The following PKHD1 variants were observed in gnomAD, a reference collection of about 807,000 sequenced individuals.
PKHD1 encodes fibrocystin.
PKHD1 carries 291 observed loss-of-function variants against 412.0 expected under a neutral mutation model. The observed-to-expected ratio is 0.71, with a 90% CI of 0.64 to 0.78. The LOEUF is 0.78. Ranked by LOEUF, PKHD1 falls within the 30% of genes least tolerant of loss-of-function variation. PKHD1 has a pLI of 0.00. For missense variants in PKHD1, 4,825 were observed against 4,950.7 expected (o/e 0.97, Z 0.76); for synonymous variants, 1,777 against 1,821.5 (o/e 0.98, Z 0.62).
intron 37 of PKHD1, among the ~76,000 whole-genome samples, chr6:51,928,811 G>C (rs143753118): frequency 0.011 from 1,656 of 152,234 alleles, 13 homozygotes; most frequent in Middle Eastern, 0.027. Context: ...GGACTGAGGG[G>C]TGAGTCCTGT....
At chr6:51,755,054 G>A (rs1786735439) in intron 55 of PKHD1, 116 bp from the exon 56 acceptor site, 19 of 896,760 alleles carry the variant, frequency 2.1e-5, no homozygotes, top group South Asian at 2.0e-4. Context: ...CAGAGAAACT[G>A]AAATAGAAAT....
rs150637568 is a variant in PKHD1 at position 51,681,369 on chromosome 6, A to G, written c.10157-21400T>C. On this transcript the variant is annotated intron_variant, in intron 60 of 66. Coordinates refer to ENST00000371117, the MANE Select transcript of PKHD1 (RefSeq NM_138694.4). The stretch of plus-strand genomic sequence containing the variant: ...CCCTGAATAAACACAGGCCTTAGCA[A>G]TGTCATGTTTGGTTGACCAACCACT... Among the ~76,000 whole-genome samples the G allele has an allele frequency of 7.0e-4, 106 of 152,158 alleles. 1 individual carries two copies. Among genetic ancestry groups the G allele is most frequent in the African/African-American group, 2.5e-3 (104 of 41,550 alleles).
chr6:52,068,689 G>A lies in PKHD1; in HGVS notation c.778+768C>T, dbSNP rs112209243. On this transcript the variant is annotated intron_variant, in intron 11 of 66. Coordinates refer to ENST00000371117, the MANE Select transcript of PKHD1 (RefSeq NM_138694.4). ...TGACATTCTTTCTATAGCAGCTATCGTTATCACCATCACCTTGGGCGCTTC... is the reference window on the plus strand; with the variant it reads ...TGACATTCTTTCTATAGCAGCTATCATTATCACCATCACCTTGGGCGCTTC... Among the ~76,000 whole-genome samples, 494 of 152,292 alleles carry A rather than the reference G, an allele frequency of 3.2e-3. 3 individuals are homozygous for A. Among genetic ancestry groups the A allele is most frequent in the African/African-American group, 0.011 (470 of 41,562 alleles).
In PKHD1 at chr6:51,901,995, C is replaced by A. The variant is rs1422243563; in HGVS notation, c.6996+1602G>T. On this transcript the variant is annotated intron_variant, in intron 43 of 66. Transcript: ENST00000371117. ...GCTTTTCAGATTACCCTCTGGTTCT[C>A]TGCACCTGCAGCCAGCTCAACCCTT... is the stretch of plus-strand genomic sequence containing the variant. 4.6e-5 allele frequency among the ~76,000 whole-genome samples: 7 copies of A among 152,166 alleles called. No individual in the cohort carries two copies. In the East Asian group the frequency reaches 1.2e-3, roughly 25 times the overall value.
chr6:52,014,185 T>G (rs1438352328), intron 34 of PKHD1, among the ~76,000 whole-genome samples: 1 of 152,198 alleles, frequency 6.6e-6, no homozygotes, highest in Non-Finnish European at 1.5e-5. Context: ...TGAACAGTCA[T>G]AAAACTCGAC....
At chr6:51,913,620 T>C (rs959992887) in intron 37 of PKHD1, among the ~76,000 whole-genome samples, 3 of 152,166 alleles carry the variant, frequency 2.0e-5, no homozygotes, top group African/African-American at 7.2e-5. Context: ...CCGCAGCAAG[T>C]TACTGTCCTC....
At chr6:51,827,341 T>C (rs1481831131) in intron 52 of PKHD1, among the ~76,000 whole-genome samples, 1 of 152,074 alleles carries the variant, frequency 6.6e-6, no homozygotes, top group Non-Finnish European at 1.5e-5. Context: ...CCGCCAAAAC[T>C]CTATGCGTTG....
intron 46 of PKHD1, among the ~76,000 whole-genome samples, chr6:51,882,739 TA>T (rs1162725544): frequency 6.6e-6 from 1 of 152,142 alleles, no homozygotes; most frequent in Non-Finnish European, 1.5e-5. Flanking sequence ...AATCCATACT[TA>T]GGCACATATT....
At chr6:51,816,786 C>T (rs980092611) in intron 52 of PKHD1, among the ~76,000 whole-genome samples, 3 of 152,206 alleles carry the variant, frequency 2.0e-5, no homozygotes, top group Admixed American at 2.0e-4. Context: ...AATCCTCTGC[C>T]ACATGGCTGC....
intron 53 of PKHD1, among the ~76,000 whole-genome samples, chr6:51,784,233 C>T (rs1439518665): frequency 6.6e-6 from 1 of 150,976 alleles, no homozygotes; most frequent in Non-Finnish European, 1.5e-5. Context: ...ACAGGAGAGG[C>T]TTCATATAGG....
chr6:52,048,712 G>A (rs1806269824), intron 22 of PKHD1, 93 bp from the exon 23 acceptor site: 2 of 1,487,368 alleles, frequency 1.3e-6, no homozygotes, highest in African/African-American at 2.8e-5. Context: ...TGCTTAGGCT[G>A]CAGCCTTCCA....
Position 51,864,984 on chromosome 6 carries a change from G to A in PKHD1, c.7733+2879C>T, listed in dbSNP as rs1025369967. Among the ~76,000 whole-genome samples, 3 of 152,176 alleles carry A rather than the reference G, an allele frequency of 2.0e-5. No homozygotes were observed. The East Asian group carries it at 5.8e-4, about 29-fold the overall frequency. On this transcript the variant is annotated intron_variant, in intron 48 of 66. Coordinates refer to ENST00000371117, the MANE Select transcript of PKHD1 (RefSeq NM_138694.4). ...TGGGATAGATAAATCCAAGAACTAT[G>A]TGGGACATTTTATAATTATGGGACC... is the stretch of plus-strand genomic sequence containing the variant.
At chr6:51,904,095 CAA>C (rs906836959) in intron 41 of PKHD1, 53 bp from the exon 42 acceptor site, 21 of 1,161,470 alleles carry the variant, frequency 1.8e-5, no homozygotes, top group Non-Finnish European at 2.5e-5. Context: ...CTTAGGAAAA[CAA>C]GAGATGCTGC....
chr6:52,061,273 C>G (rs529504141), intron 14 of PKHD1, among the ~76,000 whole-genome samples: 1 of 152,224 alleles, frequency 6.6e-6, no homozygotes, highest in East Asian at 1.9e-4. Context: ...TCGCTGCAGC[C>G]CTAACTCCTG....
intron 53 of PKHD1, among the ~76,000 whole-genome samples, chr6:51,781,559 C>T (rs2151195621): frequency 6.6e-6 from 1 of 152,146 alleles, no homozygotes; most frequent in South Asian, 2.1e-4. Context: ...TTTCTTTAAG[C>T]CTCAGCTTCC....
chr6:52,020,184 G>A (rs372211339), intron 33 of PKHD1, among the ~76,000 whole-genome samples: 1 of 152,136 alleles, frequency 6.6e-6, no homozygotes, highest in Non-Finnish European at 1.5e-5. Context: ...GAGTAAGACA[G>A]TAAACTACAA....
chr6:52,028,459 G>A, intron 29 of PKHD1, 108 bp from the exon 30 acceptor site: 1 of 980,560 alleles, frequency 1.0e-6, no homozygotes, highest in Non-Finnish European at 1.6e-6. Flanking sequence ...TCACCCCTAT[G>A]CATAATACTC....
At chr6:51,840,988 A>C (rs531996010) in intron 50 of PKHD1, among the ~76,000 whole-genome samples, 106 of 152,352 alleles carry the variant, frequency 7.0e-4, no homozygotes, top group Non-Finnish European at 8.7e-4. Context: ...TTAGGTTTTA[A>C]AAATAAGACA....
intron 37 of PKHD1, among the ~76,000 whole-genome samples, chr6:51,933,139 T>C (rs1244254794): frequency 6.6e-6 from 1 of 152,190 alleles, no homozygotes; most frequent in Non-Finnish European, 1.5e-5. Context: ...CACTGAAATA[T>C]GCTTACTCAT....
Sources: gnomAD v4.1 joint callset for allele counts (sites outside exome capture counted in the v4.1 genomes callset) on GRCh38, gnomAD v4.1.1 for gene constraint, MANE v1.5 for transcripts, NCBI Gene and HGNC (gene_info 2026-07-23, HGNC 2026-07-21) for gene names.